DLGAP1: variants seen among roughly 807,000 people sequenced by gnomAD.
DLGAP1 encodes the protein DLG associated protein 1.
Under a neutral mutation model 90.8 loss-of-function variants are expected in DLGAP1, and 11 were observed. The ratio of observed to expected loss-of-function variants is 0.12; its 90% confidence interval spans 0.08 to 0.20. The LOEUF is 0.20. DLGAP1 is among the 10% of genes least tolerant of loss of function. DLGAP1 has a pLI of 1.00. For missense variants in DLGAP1, 1,050 were observed against 1,333.8 expected, an observed-to-expected ratio of 0.79 and a Z score of 3.31; for synonymous variants, 558 against 540.7, an observed-to-expected ratio of 1.03 and a Z score of -0.44.
At chr18:3,782,033 CAGTATTCCAAGCTTGG>C (rs1362979784) in intron 5 of DLGAP1, among the ~76,000 whole-genome samples, 5 of 6,614 alleles carry the variant, frequency 7.6e-4, no homozygotes, top group African/African-American at 1.3e-3. Flanking sequence ...AAGCTTGGAA[CAGTATTCCAAGCTTGG>C]AACAGTATTC....
chr18:4,063,357 A>C (rs932347734), intron 2 of DLGAP1, among the ~76,000 whole-genome samples: 2 of 152,170 alleles, frequency 1.3e-5, no homozygotes, highest in African/African-American at 2.4e-5. Flanking sequence ...AGCTTGGCTA[A>C]GGCAATGAAG....
At chr18:3,525,634 C>G (rs533057212) in intron 10 of DLGAP1, among the ~76,000 whole-genome samples, 1 of 152,162 alleles carries the variant, frequency 6.6e-6, no homozygotes. Context: ...CTCCTGACCT[C>G]GTGATCTGCC....
chr18:3,753,947 C>T (rs2063605491), intron 5 of DLGAP1, among the ~76,000 whole-genome samples: 1 of 152,156 alleles, frequency 6.6e-6, no homozygotes, highest in Non-Finnish European at 1.5e-5. Flanking sequence ...GCTCAAGTCC[C>T]TTATGTAAAT....
chr18:4,306,672 G>A (rs940466432), intron 1 of DLGAP1, among the ~76,000 whole-genome samples: 1 of 151,994 alleles, frequency 6.6e-6, no homozygotes, highest in Non-Finnish European at 1.5e-5. Context: ...CAAATGATAC[G>A]GAAGTTTTAG....
chr18:3,499,483 G>A lies in DLGAP1; in HGVS notation c.2725-89C>T, dbSNP rs935023694. 7 of 1,364,886 alleles carry A rather than the reference G, an allele frequency of 5.1e-6. No homozygotes were observed. In the African/African-American group the frequency reaches 8.9e-5, roughly 17 times the overall value. The allele number at this position is 1,364,886 out of a possible 1,614,324, so 84.5% of individuals were successfully genotyped here. A position where few individuals can be genotyped will look rare whatever the true frequency, so the allele number is the denominator to read the frequency against. ...GATAGGTCAGTAGTTAGAACACACA[G>A]TTTTTTACCTAGGGGTGGTTAGTTC... On this transcript the variant is annotated intron_variant, in intron 12 of 12. Transcript: ENST00000315677. This position sits in a 1 kb window ranked among gnomAD's most constrained non-coding sequence, Gnocchi z 6.4.
chr18:3,708,179 T>C (rs1396256162), intron 7 of DLGAP1, among the ~76,000 whole-genome samples: 1 of 152,036 alleles, frequency 6.6e-6, no homozygotes, highest in Non-Finnish European at 1.5e-5. Context: ...CTAATTTTTG[T>C]ACTTTTCAGG....
chr18:3,887,643 T>C (rs1377688234), intron 3 of DLGAP1, among the ~76,000 whole-genome samples: 1 of 152,196 alleles, frequency 6.6e-6, no homozygotes, highest in African/African-American at 2.4e-5. Flanking sequence ...ATGACATTTT[T>C]TTTTAGACAG....
intron 7 of DLGAP1, among the ~76,000 whole-genome samples, chr18:3,700,144 G>A (rs1567981449): frequency 1.3e-5 from 2 of 152,130 alleles, no homozygotes; most frequent in African/African-American, 2.4e-5. Flanking sequence ...ATTCTGTCTC[G>A]CTGGTGTTCC....
chr18:3,552,601 A>G (rs565923951), intron 9 of DLGAP1, among the ~76,000 whole-genome samples: 8 of 151,912 alleles, frequency 5.3e-5, no homozygotes, highest in African/African-American at 1.9e-4. Context: ...GTGCCTCAAC[A>G]CTGTTTGTAT....
chr18:4,321,495 T>C (rs887418305), intron 1 of DLGAP1, among the ~76,000 whole-genome samples: 1 of 152,204 alleles, frequency 6.6e-6, no homozygotes, highest in African/African-American at 2.4e-5. Context: ...AGTTTATCTC[T>C]AGCAACTTCC....
At chr18:4,175,645 G>A (rs1238703147) in intron 1 of DLGAP1, among the ~76,000 whole-genome samples, 2 of 152,114 alleles carry the variant, frequency 1.3e-5, no homozygotes, top group Non-Finnish European at 2.9e-5. Flanking sequence ...TGACTTGCCA[G>A]TTTTCCCAGC....
rs575713013 is a variant in DLGAP1 at position 3,687,552 on chromosome 18, T to C, written c.1591+41583A>G. Among the ~76,000 whole-genome samples, 16 of 152,352 alleles carry C rather than the reference T, an allele frequency of 1.1e-4. No individual in the cohort carries two copies. In the South Asian group the frequency reaches 3.1e-3, roughly 30 times the overall value. On this transcript the variant is annotated intron_variant, in intron 7 of 12. Coordinates refer to ENST00000315677, the MANE Select transcript of DLGAP1 (RefSeq NM_004746.4). ...TACAAATTTAAAATCCTTGAGAATT[T>C]TGAAGAACATTTACTCTTTAAAATG...
At chr18:3,700,287 G>C (rs2061237467) in intron 7 of DLGAP1, among the ~76,000 whole-genome samples, 1 of 152,210 alleles carries the variant, frequency 6.6e-6, no homozygotes, top group African/African-American at 2.4e-5. Context: ...TTTGCGGGCT[G>C]TGAAGACCAT....
At chr18:4,009,718 T>A (rs2074379589) in intron 2 of DLGAP1, among the ~76,000 whole-genome samples, 1 of 152,232 alleles carries the variant, frequency 6.6e-6, no homozygotes, top group Non-Finnish European at 1.5e-5. Flanking sequence ...TGAATGGGAT[T>A]CATGTTCCCA....
At chr18:4,194,064 T>C (rs1397060747) in intron 1 of DLGAP1, among the ~76,000 whole-genome samples, 1 of 152,162 alleles carries the variant, frequency 6.6e-6, no homozygotes. Context: ...CTGTTATATG[T>C]ATATTGCCTG....
intron 1 of DLGAP1, among the ~76,000 whole-genome samples, chr18:4,449,695 A>G (rs1455662053): frequency 1.3e-5 from 2 of 152,242 alleles, no homozygotes; most frequent in Non-Finnish European, 2.9e-5. Flanking sequence ...TCTGACACTC[A>G]CAAGTCAACA....
intron 7 of DLGAP1, among the ~76,000 whole-genome samples, chr18:3,593,058 G>A (rs988635991): frequency 1.3e-5 from 2 of 152,100 alleles, no homozygotes; most frequent in Non-Finnish European, 2.9e-5. Flanking sequence ...CAGTGACAGA[G>A]TTAGAGTACT....
intron 1 of DLGAP1, among the ~76,000 whole-genome samples, chr18:4,332,084 A>T (rs1327036653): frequency 6.6e-6 from 1 of 151,958 alleles, no homozygotes; most frequent in African/African-American, 2.4e-5. Context: ...ACCAATGATA[A>T]AATGGAAATC....
chr18:4,392,553 G>A (rs2082360433), intron 1 of DLGAP1, among the ~76,000 whole-genome samples: 1 of 152,186 alleles, frequency 6.6e-6, no homozygotes, highest in Non-Finnish European at 1.5e-5. Context: ...AGGACAACTA[G>A]TTAAAAGAGA....
Sources: allele counts gnomAD v4.1 joint callset (sites outside exome capture counted in the v4.1 genomes callset), GRCh38; gene constraint gnomAD v4.1.1; non-coding constraint Gnocchi (gnomAD v3.1); transcripts MANE v1.5; gene names NCBI Gene and HGNC (gene_info 2026-07-23, HGNC 2026-07-21).